Variants in KDM2A observed in about 807,000 individuals in gnomAD.
The protein encoded by KDM2A is lysine demethylase 2A.
In KDM2A, 3 loss-of-function variants were observed where a neutral mutation model predicts 137.3. That is an observed-to-expected ratio of 0.02 (90% CI 0.01 to 0.06). The LOEUF (loss-of-function observed/expected upper bound fraction) is 0.06, where lower values mean the gene tolerates loss of function less well. Ranked by LOEUF, KDM2A falls within the 10% of genes least tolerant of loss-of-function variation. The pLI, the probability that KDM2A is intolerant of heterozygous loss-of-function variation, is 1.00. For missense variants in KDM2A, 738 were observed against 1,510.6 expected, an observed-to-expected ratio of 0.49 and a Z score of 8.48; for synonymous variants, 512 against 541.5, an observed-to-expected ratio of 0.95 and a Z score of 0.76.
chr11:67,179,490 C>T (rs113044500), intron 2 of KDM2A, among the ~76,000 whole-genome samples: 3 of 152,192 alleles, frequency 2.0e-5, no homozygotes, highest in Non-Finnish European at 4.4e-5. Context: ...TCAGGCTGGT[C>T]TCTAATCTCG....
At chr11:67,152,611 A>G (rs1195890979) in intron 2 of KDM2A, among the ~76,000 whole-genome samples, 1 of 152,074 alleles carries the variant, frequency 6.6e-6, no homozygotes, top group Non-Finnish European at 1.5e-5. Context: ...CTGTTACAAA[A>G]AAAAAAAATC....
chr11:67,191,737 C>G (rs1462790058), intron 5 of KDM2A, among the ~76,000 whole-genome samples: 2 of 152,150 alleles, frequency 1.3e-5, no homozygotes, highest in East Asian at 1.9e-4. Flanking sequence ...AAATATCATA[C>G]TCAGTGGTGA....
In KDM2A at chr11:67,254,431, A is replaced by G. The variant is rs1859535830; in HGVS notation, c.3307+13A>G. 2 of 1,609,408 alleles carry G rather than the reference A, an allele frequency of 1.2e-6. No homozygotes were observed. Among genetic ancestry groups the G allele is most frequent in the Non-Finnish European group, 1.7e-6 (2 of 1,176,002 alleles). ...CTCAATATGGCAGGTATGCCGCTAC[A>G]GTTGTTCATAATCAGCGGTGCCCCC... On this transcript the variant is annotated intron_variant, in intron 20 of 20. Coordinates refer to ENST00000529006, the MANE Select transcript of KDM2A (RefSeq NM_012308.3). This position sits in a 1 kb window ranked among gnomAD's most constrained non-coding sequence, Gnocchi z 4.7.
chr11:67,134,768 G>C (rs1364103497), intron 2 of KDM2A, among the ~76,000 whole-genome samples: 1 of 152,170 alleles, frequency 6.6e-6, no homozygotes, highest in African/African-American at 2.4e-5. Flanking sequence ...GCCTCTCAAA[G>C]TGCTGGGATT....
At chr11:67,137,566 ATATAAG>A (rs1299188821) in intron 2 of KDM2A, among the ~76,000 whole-genome samples, 2 of 152,188 alleles carry the variant, frequency 1.3e-5, no homozygotes, top group African/African-American at 4.8e-5. Context: ...AAGGAGGTAA[ATATAAG>A]TATGACTCCC....
chr11:67,212,522 T>G (rs1477387113), intron 6 of KDM2A, among the ~76,000 whole-genome samples: 1 of 152,202 alleles, frequency 6.6e-6, no homozygotes, highest in Non-Finnish European at 1.5e-5. Context: ...TGTTTATGAA[T>G]AGACTAGGTT....
At chr11:67,161,065 A>G (rs1012195194) in intron 2 of KDM2A, among the ~76,000 whole-genome samples, 11 of 152,192 alleles carry the variant, frequency 7.2e-5, no homozygotes, top group Non-Finnish European at 1.5e-4. Context: ...TTAACTGTGG[A>G]CAAGGTGGAC....
chr11:67,166,897 C>T (rs751097056), intron 2 of KDM2A, among the ~76,000 whole-genome samples: 5 of 151,812 alleles, frequency 3.3e-5, no homozygotes, highest in Admixed American at 6.6e-5. Flanking sequence ...GCCAACGTGG[C>T]GAGACCTCGT....
chr11:67,134,715 G>A (rs538130559), intron 2 of KDM2A, among the ~76,000 whole-genome samples: 32 of 152,120 alleles, frequency 2.1e-4, no homozygotes, highest in Non-Finnish European at 4.4e-4. Flanking sequence ...ACGTTGACTA[G>A]GCTGGTCTCG....
Position 67,125,103 on chromosome 11 carries a change from C to T in KDM2A, c.42+3745C>T, listed in dbSNP as rs1036198579. Among the ~76,000 whole-genome samples the T allele has an allele frequency of 5.3e-5, 8 of 151,850 alleles. No homozygotes were observed. In the East Asian group the frequency reaches 9.7e-4, roughly 18 times the overall value. ...GTCTCGATCTGCTGACCTCGTGATCCGCCTGCCTCGGCCTCCCAAAGTGCT... is the reference window on the plus strand; with the variant it reads ...GTCTCGATCTGCTGACCTCGTGATCTGCCTGCCTCGGCCTCCCAAAGTGCT... On this transcript the variant is annotated intron_variant, in intron 2 of 20. Coordinates refer to ENST00000529006, the MANE Select transcript of KDM2A (RefSeq NM_012308.3).
chr11:67,135,593 G>A (rs528584320), intron 2 of KDM2A, among the ~76,000 whole-genome samples: 3 of 152,308 alleles, frequency 2.0e-5, no homozygotes, highest in African/African-American at 7.2e-5. Flanking sequence ...AGTAATCTGC[G>A]TAAATGACTC....
At chr11:67,146,376 A>T (rs576428740) in intron 2 of KDM2A, among the ~76,000 whole-genome samples, 2 of 152,172 alleles carry the variant, frequency 1.3e-5, no homozygotes, top group East Asian at 3.9e-4. Context: ...ATAGATCCTG[A>T]GGGCAAAAAT....
At chr11:67,166,186 T>TC (rs1491457435) in intron 2 of KDM2A, among the ~76,000 whole-genome samples, 1 of 135,344 alleles carries the variant, frequency 7.4e-6, no homozygotes, top group East Asian at 2.1e-4. Context: ...AATATTTCTC[T>TC]TTTTTTTTTT....
intron 2 of KDM2A, 28 bp downstream of exon 2, chr11:67,121,386 C>T (rs1397201871): frequency 1.2e-6 from 2 of 1,605,066 alleles, no homozygotes; most frequent in Admixed American, 3.3e-5. Flanking sequence ...CCACCACACC[C>T]TCCAGTTTTA....
chr11:67,213,983 C>G (rs1478072001), intron 6 of KDM2A, among the ~76,000 whole-genome samples: 3 of 151,990 alleles, frequency 2.0e-5, no homozygotes, highest in Non-Finnish European at 4.4e-5. Context: ...CCATCTTAGC[C>G]TCACAAGTAG....
At chr11:67,233,419 C>T (rs368269222) in intron 12 of KDM2A, among the ~76,000 whole-genome samples, 1 of 137,294 alleles carries the variant, frequency 7.3e-6, no homozygotes, top group Non-Finnish European at 1.6e-5. Flanking sequence ...TTTGGGAGGC[C>T]GAGGCAGGTA....
At chr11:67,240,725 A>ACC (rs1367924534) in intron 12 of KDM2A, among the ~76,000 whole-genome samples, 2 of 151,824 alleles carry the variant, frequency 1.3e-5, no homozygotes, top group African/African-American at 4.8e-5. Context: ...CCTATCCCAA[A>ACC]CCCCCTCTAG....
chr11:67,171,312 T>G (rs1367908500), intron 2 of KDM2A, among the ~76,000 whole-genome samples: 1 of 152,168 alleles, frequency 6.6e-6, no homozygotes, highest in Non-Finnish European at 1.5e-5. Flanking sequence ...TGAAATTAGA[T>G]AGTCTTTGAA....
intron 2 of KDM2A, among the ~76,000 whole-genome samples, chr11:67,154,718 C>T (rs1276122688): frequency 6.6e-6 from 1 of 152,108 alleles, no homozygotes; most frequent in African/African-American, 2.4e-5. Context: ...GGATTACAGG[C>T]ATGAACCACC....
Sources: gnomAD v4.1 joint callset for allele counts (sites outside exome capture counted in the v4.1 genomes callset) on GRCh38, gnomAD v4.1.1 for gene constraint, Gnocchi (gnomAD v3.1) non-coding constraint, MANE v1.5 for transcripts, NCBI Gene and HGNC (gene_info 2026-07-23, HGNC 2026-07-21) for gene names.